REPS2: variants seen among roughly 807,000 people sequenced by gnomAD.
The protein encoded by REPS2 is RALBP1 associated Eps domain containing 2.
REPS2 carries 23 observed loss-of-function variants against 53.6 expected under a neutral mutation model. The observed-to-expected ratio is 0.43, with a 90% confidence interval of 0.31 to 0.61. The LOEUF is 0.61. Among genes scored for constraint, REPS2 ranks in the 20% least tolerant of loss-of-function variants. REPS2 has a pLI of 0.11. For synonymous variants in REPS2, 238 were observed against 218.6 expected, an observed-to-expected ratio of 1.09 and a Z score of -0.78; for missense variants, 446 against 534.9, an observed-to-expected ratio of 0.83 and a Z score of 1.64.
chrX:17,195,220 C>G, the REPS2 span, among the ~76,000 whole-genome samples: 1 of 112,171 alleles, frequency 8.9e-6, no homozygotes, highest in Non-Finnish European at 1.9e-5. Context: ...GAACTTCTGG[C>G]AAAAGAAGCC....
chrX:17,102,588 A>G (rs1257941287), intron 13 of REPS2, among the ~76,000 whole-genome samples: 1 of 112,192 alleles, frequency 8.9e-6, no homozygotes, highest in Non-Finnish European at 1.9e-5. Context: ...AAAGACAGAT[A>G]GAGAGAAATC....
intron 14 of REPS2, among the ~76,000 whole-genome samples, chrX:17,109,495 G>A (rs767915894): frequency 1.8e-4 from 20 of 111,316 alleles, no homozygotes; most frequent in African/African-American, 5.9e-4. Context: ...CTGGAGTTGG[G>A]GAGGCATGAG....
chrX:17,094,994 C>G (rs1458046714), intron 13 of REPS2, among the ~76,000 whole-genome samples: 1 of 111,628 alleles, frequency 9.0e-6, no homozygotes, highest in Non-Finnish European at 1.9e-5. Context: ...ACGTTTTCTC[C>G]TAGTAAAGGT....
intron 5 of REPS2, among the ~76,000 whole-genome samples, chrX:17,030,345 ACG>A (rs1010035149): frequency 1.4e-4 from 12 of 87,169 alleles, no homozygotes; most frequent in Non-Finnish European, 2.3e-5. Flanking sequence ...GTGTGTGTGC[ACG>A]CGCGGGTGTG....
intron 14 of REPS2, among the ~76,000 whole-genome samples, chrX:17,130,412 C>T (rs1167601005): frequency 9.0e-6 from 1 of 111,545 alleles, no homozygotes; most frequent in Non-Finnish European, 1.9e-5. Flanking sequence ...CATGGGAGGC[C>T]CTTTGTGAAC....
At chrX:17,004,413 C>CTTT (rs5901599) in intron 1 of REPS2, among the ~76,000 whole-genome samples, 1 of 79,874 alleles carries the variant, frequency 1.3e-5, no homozygotes, top group Admixed American at 1.4e-4. Context: ...CAGAACTAAC[C>CTTT]TTTTTTTTTT....
At chrX:16,956,208 T>C (rs1180855342) in intron 1 of REPS2, among the ~76,000 whole-genome samples, 2 of 109,799 alleles carry the variant, frequency 1.8e-5, no homozygotes, top group African/African-American at 6.6e-5. Context: ...TTTTTTTTTT[T>C]TTTTACTAAC....
chrX:17,023,735 A>G (rs2061603708), intron 3 of REPS2, among the ~76,000 whole-genome samples: 1 of 111,490 alleles, frequency 9.0e-6, no homozygotes, highest in Non-Finnish European at 1.9e-5. Context: ...GCATTTGGAG[A>G]GGAATGAGGG....
chrX:16,950,973 G>C (rs1445795953), intron 1 of REPS2, among the ~76,000 whole-genome samples: 1 of 112,245 alleles, frequency 8.9e-6, no homozygotes, highest in Admixed American at 9.4e-5. Flanking sequence ...TTGAGCCCAG[G>C]AGTTCAAGGT....
chrX:17,142,098 T>C (rs2063454777), intron 17 of REPS2, among the ~76,000 whole-genome samples: 1 of 111,981 alleles, frequency 8.9e-6, no homozygotes, highest in Non-Finnish European at 1.9e-5. Flanking sequence ...TTGACAAAGG[T>C]GCAAAATCGA....
intron 1 of REPS2, among the ~76,000 whole-genome samples, chrX:16,961,228 G>C (rs956734405): frequency 1.8e-5 from 2 of 111,996 alleles, no homozygotes; most frequent in African/African-American, 6.5e-5. Context: ...AATTATGATA[G>C]TATATCCTGG....
At chrX:17,082,523 G>A (rs922376644) in intron 13 of REPS2, among the ~76,000 whole-genome samples, 1 of 112,312 alleles carries the variant, frequency 8.9e-6, no homozygotes, top group Non-Finnish European at 1.9e-5. Flanking sequence ...CACATCCAGG[G>A]CTAGTGTCTG....
intron 1 of REPS2, among the ~76,000 whole-genome samples, chrX:16,960,109 A>C: frequency 9.0e-6 from 1 of 111,682 alleles, no homozygotes; most frequent in Non-Finnish European, 1.9e-5. Context: ...CACACCTATA[A>C]TCCCAACACT....
At chrX:17,047,627 C>T in intron 6 of REPS2, 145 bp downstream of exon 6, 1 of 754,160 alleles carries the variant, frequency 1.3e-6, no homozygotes, top group Non-Finnish European at 1.9e-6. Context: ...AGATGTAAAC[C>T]ATGCAGAAGA....
chrX:16,947,213 G>C, intron 1 of REPS2, 79 bp downstream of exon 1: 1 of 941,701 alleles, frequency 1.1e-6, no homozygotes. Flanking sequence ...GGGGCGACAG[G>C]GCTGCCCCCA....
chrX:17,074,200 G>A lies in REPS2; in HGVS notation c.1379+41G>A, dbSNP rs761743096. On this transcript the variant is annotated intron_variant, in intron 12 of 17. Transcript: ENST00000357277. ...TTTCTGCTTTAATGCCCTTTGTGCC[G>A]TGCCCCTGCCTAGAAATAAGAACCA... is the stretch of plus-strand genomic sequence containing the variant. The A allele has an allele frequency of 1.8e-5, 20 of 1,127,997 alleles. No individual in the cohort carries two copies. In the South Asian group the frequency reaches 2.1e-4, roughly 12 times the overall value. 93.0% of individuals were successfully genotyped at this position (1,127,997 alleles called of 1,213,427 possible).
intron 13 of REPS2, among the ~76,000 whole-genome samples, chrX:17,102,038 G>A (rs75548315): frequency 7.5e-5 from 4 of 53,366 alleles, no homozygotes; most frequent in Non-Finnish European, 1.4e-4. Context: ...TTTATGTTAT[G>A]TTATGTTATG....
chrX:17,171,118 T>G, the REPS2 span, among the ~76,000 whole-genome samples: 1 of 112,666 alleles, frequency 8.9e-6, no homozygotes, highest in Non-Finnish European at 1.9e-5. Flanking sequence ...GTTTGTCAAG[T>G]CTCCTTGGCC....
At chrX:17,061,690 T>C (rs910011253) in intron 8 of REPS2, among the ~76,000 whole-genome samples, 2 of 112,634 alleles carry the variant, frequency 1.8e-5, no homozygotes, top group African/African-American at 6.4e-5. Flanking sequence ...GTTGAGATAT[T>C]TCTTTCCTAA....
Sources: allele counts gnomAD v4.1 joint callset (sites outside exome capture counted in the v4.1 genomes callset), GRCh38; gene constraint gnomAD v4.1.1; transcripts MANE v1.5; gene names NCBI Gene and HGNC (gene_info 2026-07-23, HGNC 2026-07-21).